The following NCEH1 variants were observed in gnomAD, a reference collection of about 807,000 sequenced individuals.
NCEH1 encodes neutral cholesterol ester hydrolase 1, also known as 2-acetyl MAGE hydrolase.
NCEH1 carries 9 observed loss-of-function variants against 25.4 expected under a neutral mutation model. That is an observed-to-expected ratio of 0.35 (90% CI 0.21 to 0.62). NCEH1 has a LOEUF of 0.62. Ranked by LOEUF, NCEH1 falls within the 20% of genes least tolerant of loss-of-function variation. The pLI, the probability that NCEH1 is intolerant of heterozygous loss-of-function variation, is 0.72. For missense variants in NCEH1, 412 were observed against 501.1 expected (o/e 0.82, Z 1.70); for synonymous variants, 200 against 199.8 (o/e 1.00, Z -0.01).
chr3:172,660,185 C>T (rs1312646225), intron 1 of NCEH1, among the ~76,000 whole-genome samples: 1 of 150,092 alleles, frequency 6.7e-6, no homozygotes, highest in Non-Finnish European at 1.5e-5. Context: ...TCCAAGTGTG[C>T]TCATTGTTCA....
intron 1 of NCEH1, among the ~76,000 whole-genome samples, chr3:172,651,563 CT>C (rs35448757): frequency 3.0e-3 from 431 of 143,750 alleles, no homozygotes; most frequent in Middle Eastern, 3.6e-3. Flanking sequence ...TTTGGAGAAT[CT>C]TTTTTTTTTT....
intron 1 of NCEH1, among the ~76,000 whole-genome samples, chr3:172,689,999 G>T (rs1712943442): frequency 6.6e-6 from 1 of 151,322 alleles, no homozygotes; most frequent in South Asian, 2.1e-4. Context: ...CGCCTCCCGG[G>T]TTCACGCCAT....
Position 172,648,136 on chromosome 3 carries a change from A to G in NCEH1, c.139-22T>C, listed in dbSNP as rs532131594. The stretch of plus-strand genomic sequence containing the variant: ...TACTCTGCAGGGCGAGGGAGGAAAT[A>G]AAGAGGGAGGGCGCACGTCAACTTG... On this transcript the variant is annotated intron_variant, in intron 1 of 4. Transcript: ENST00000475381. 3.5e-5 allele frequency: 57 copies of G among 1,613,460 alleles called. No homozygotes were observed. In the South Asian group the frequency reaches 6.3e-4, roughly 18 times the overall value.
chr3:172,679,847 ACAT>A (rs1206243679), intron 1 of NCEH1, among the ~76,000 whole-genome samples: 1 of 152,110 alleles, frequency 6.6e-6, no homozygotes, highest in African/African-American at 2.4e-5. Context: ...ATGTGTTCAA[ACAT>A]CATAGTGAAC....
intron 1 of NCEH1, among the ~76,000 whole-genome samples, chr3:172,660,460 G>A (rs990878738): frequency 5.3e-5 from 8 of 152,094 alleles, no homozygotes; most frequent in African/African-American, 1.9e-4. Context: ...CTTTATAGTA[G>A]CATGATTTAT....
intron 1 of NCEH1, among the ~76,000 whole-genome samples, chr3:172,652,130 G>A (rs886838758): frequency 6.6e-6 from 1 of 152,208 alleles, no homozygotes; most frequent in East Asian, 1.9e-4. Flanking sequence ...AGACCTTAGG[G>A]AAGAGTAGAT....
At chr3:172,702,303 T>C (rs1205598237) in intron 1 of NCEH1, among the ~76,000 whole-genome samples, 1 of 152,226 alleles carries the variant, frequency 6.6e-6, no homozygotes, top group Non-Finnish European at 1.5e-5. Flanking sequence ...ATGCTCACTA[T>C]ATGCTCAATA....
intron 1 of NCEH1, among the ~76,000 whole-genome samples, chr3:172,699,280 CTGAACTGTCAT>C (rs1409141566): frequency 6.6e-6 from 1 of 152,174 alleles, no homozygotes; most frequent in Non-Finnish European, 1.5e-5. Context: ...GATTCACGAG[CTGAACTGTCAT>C]CCATGACACA....
chr3:172,674,058 CCAG>C (rs781732413), intron 1 of NCEH1, among the ~76,000 whole-genome samples: 2 of 152,186 alleles, frequency 1.3e-5, no homozygotes, highest in African/African-American at 4.8e-5. Flanking sequence ...ATTAACACAA[CCAG>C]CAGAAGCCCA....
intron 2 of NCEH1, among the ~76,000 whole-genome samples, chr3:172,647,109 C>G (rs1437068358): frequency 6.6e-6 from 1 of 151,030 alleles, no homozygotes; most frequent in East Asian, 1.9e-4. Context: ...ACCTTTGTTG[C>G]TTTTAAAAAA....
At chr3:172,704,949 T>C (rs1713893543) in intron 1 of NCEH1, among the ~76,000 whole-genome samples, 1 of 152,232 alleles carries the variant, frequency 6.6e-6, no homozygotes, top group Non-Finnish European at 1.5e-5. Context: ...CTCCATAGCT[T>C]CACACAGGAT....
At chr3:172,695,124 T>C (rs903149794) in intron 1 of NCEH1, among the ~76,000 whole-genome samples, 1 of 152,190 alleles carries the variant, frequency 6.6e-6, no homozygotes, top group African/African-American at 2.4e-5. Context: ...GTCAAAGTCA[T>C]CTTTTCCATA....
At chr3:172,672,085 G>A (rs998438240) in intron 1 of NCEH1, among the ~76,000 whole-genome samples, 2 of 152,004 alleles carry the variant, frequency 1.3e-5, no homozygotes, top group African/African-American at 4.8e-5. Context: ...CTTACACAGG[G>A]GTAGCATTTT....
chr3:172,706,010 C>CAAAAAAAAAA (rs35383888), intron 1 of NCEH1, among the ~76,000 whole-genome samples: 1 of 103,970 alleles, frequency 9.6e-6, no homozygotes, highest in African/African-American at 3.8e-5. Flanking sequence ...CAACAACAAC[C>CAAAAAAAAAA]AAAAAAAAAA....
At chr3:172,667,288 C>T (rs560443780) in intron 1 of NCEH1, among the ~76,000 whole-genome samples, 4 of 152,276 alleles carry the variant, frequency 2.6e-5, no homozygotes, top group South Asian at 4.1e-4. Context: ...ATTTTAAGTA[C>T]GGAAGTTAAC....
chr3:172,692,523 A>AT (rs1713122563), intron 1 of NCEH1, among the ~76,000 whole-genome samples: 1 of 83,220 alleles, frequency 1.2e-5, no homozygotes, highest in African/African-American at 1.1e-4. Flanking sequence ...ACACCTGGCT[A>AT]ATTTTTTTTT....
Position 172,633,229 on chromosome 3 carries a change from T to A in NCEH1, c.*246A>T. 2.0e-6 allele frequency: 1 copy of A among 490,782 alleles called. No homozygotes were observed. Among genetic ancestry groups the A allele is most frequent in the African/African-American group, 1.9e-5 (1 of 51,742 alleles). The allele number at this position is 490,782 out of a possible 1,614,324, so 30.4% of individuals were successfully genotyped here. A position where few individuals can be genotyped will look rare whatever the true frequency, so the allele number is the denominator to read the frequency against. ...AGCTGTAGGTATCAGTATAGTTGGCTAAGATAACAAGAACAGAGAGATTGG... is the reference window on the plus strand; with the variant it reads ...AGCTGTAGGTATCAGTATAGTTGGCAAAGATAACAAGAACAGAGAGATTGG... On this transcript the variant is annotated 3_prime_UTR_variant, in exon 5 of 5. Transcript: ENST00000475381.
intron 1 of NCEH1, among the ~76,000 whole-genome samples, chr3:172,668,347 C>CTTTTTT (rs1560193718): frequency 3.4e-5 from 3 of 87,362 alleles, no homozygotes; most frequent in African/African-American, 4.4e-5. Context: ...GAAAAGGAAG[C>CTTTTTT]ATTTTTTTTT....
At chr3:172,655,178 GTGTTAAGGGCCCTGTGAGC>G (rs1302850201) in intron 1 of NCEH1, among the ~76,000 whole-genome samples, 1 of 152,154 alleles carries the variant, frequency 6.6e-6, no homozygotes, top group African/African-American at 2.4e-5. Flanking sequence ...ACACAGAATT[GTGTTAAGGGCCCTGTGAGC>G]TGCAAATTAC....
Sources: allele counts gnomAD v4.1 joint callset (sites outside exome capture counted in the v4.1 genomes callset), GRCh38; gene constraint gnomAD v4.1.1; transcripts MANE v1.5; gene names NCBI Gene and HGNC (gene_info 2026-07-23, HGNC 2026-07-21).